SLIT2: variants seen among roughly 807,000 people sequenced by gnomAD.
SLIT2 encodes slit homolog 2 protein.
A neutral mutation model predicts 185.7 loss-of-function variants in SLIT2; 41 were observed. The ratio of observed to expected loss-of-function variants is 0.22; its 90% confidence interval spans 0.17 to 0.29. The LOEUF (loss-of-function observed/expected upper bound fraction) is 0.29, where lower values mean the gene tolerates loss of function less well. Ranked by LOEUF, SLIT2 falls within the 10% of genes least tolerant of loss-of-function variation. The pLI is 1.00. For missense variants in SLIT2, 1,571 were observed against 1,909.0 expected (o/e 0.82, Z 3.30); for synonymous variants, 693 against 680.2 (o/e 1.02, Z -0.29).
At chr4:20,329,297 C>G (rs1719869238) in intron 4 of SLIT2, among the ~76,000 whole-genome samples, 1 of 151,686 alleles carries the variant, frequency 6.6e-6, no homozygotes, top group African/African-American at 2.4e-5. Flanking sequence ...AACATTATAA[C>G]TTAATTATTA....
At position 20,378,376 on chromosome 4, in the gene SLIT2, G is replaced by A. The variant is rs537396424; in HGVS notation, c.396-89376G>A. ...GTGATTACAGTTTACATATTTCTTCGGATAGTGGTGCTTTACTAGTAAATG... is the reference window on the plus strand; with the variant it reads ...GTGATTACAGTTTACATATTTCTTCAGATAGTGGTGCTTTACTAGTAAATG... On this transcript the variant is annotated intron_variant, in intron 4 of 36. Coordinates refer to ENST00000504154, the MANE Select transcript of SLIT2 (RefSeq NM_004787.4). Among the ~76,000 whole-genome samples the A allele has an allele frequency of 5.8e-4, 88 of 152,084 alleles. No homozygotes were observed. In the South Asian group the frequency reaches 0.015, roughly 25 times the overall value.
Position 20,548,514 on chromosome 4 carries a change from C to G in SLIT2, c.2372C>G (p.Thr791Arg). 6.2e-7 allele frequency: 1 copy of G among 1,604,622 alleles called. No individual in the cohort carries two copies. The highest frequency in any genetic ancestry group is 8.5e-7 in the Non-Finnish European group (1 of 1,171,660). The change falls in exon 23 of 37, where the codon ACG becomes AGG. Residue 791 changes from threonine to arginine, a missense_variant. By Grantham distance (71) the Thr-to-Arg change is moderately conservative (BLOSUM62 -1). Around this residue, in one of 3 missense-constraint regions of SLIT2, gnomAD observed 1,202 missense variants for 1,416.4 expected, o/e 0.85. Coordinates refer to ENST00000504154, the MANE Select transcript of SLIT2 (RefSeq NM_004787.4). ...LIDLSNNRIS[T>R]LSNQSFSNMT... ...GACTTAAGTAACAACAGAATAAGCACGCTTTCTAATCAGAGCTTCAGCAAC... is the reference window on the plus strand; with the variant it reads ...GACTTAAGTAACAACAGAATAAGCAGGCTTTCTAATCAGAGCTTCAGCAAC...
Position 20,408,276 on chromosome 4 carries a change from A to G in SLIT2, c.396-59476A>G, listed in dbSNP as rs79979078. 6.0e-3 allele frequency among the ~76,000 whole-genome samples: 907 copies of G among 152,328 alleles called. 8 individuals are homozygous for G. Among genetic ancestry groups the G allele is most frequent in the East Asian group, 0.056 (292 of 5,180 alleles). On this transcript the variant is annotated intron_variant, in intron 4 of 36. Transcript: ENST00000504154. ...ATGATAGGAGAAAGAAGCTGAGATT[A>G]TAATACTGCGATAAAAACATTTATA... is the stretch of plus-strand genomic sequence containing the variant.
At chr4:20,467,426 T>C (rs1714480806) in intron 4 of SLIT2, among the ~76,000 whole-genome samples, 1 of 152,112 alleles carries the variant, frequency 6.6e-6, no homozygotes, top group African/African-American at 2.4e-5. Flanking sequence ...AACTGAATTA[T>C]GAACAATTTA....
intron 4 of SLIT2, among the ~76,000 whole-genome samples, chr4:20,291,474 ATATATATATATATATATATTTTTTTTT>A (rs1243830314): frequency 0.013 from 160 of 11,904 alleles, no homozygotes; most frequent in South Asian, 0.056. Flanking sequence ...ATATATATAT[ATATATATATATATATATATTTTTTTTT>A]TTTTTTTTTT....
chr4:20,395,952 TTAATA>T (rs1725853210), intron 4 of SLIT2, among the ~76,000 whole-genome samples: 3 of 152,022 alleles, frequency 2.0e-5, no homozygotes, highest in Admixed American at 2.0e-4. Context: ...CAAAGTAAAA[TTAATA>T]TAAGTAAAAT....
chr4:20,511,976 C>T (rs1026085824), intron 11 of SLIT2, among the ~76,000 whole-genome samples: 5 of 151,784 alleles, frequency 3.3e-5, no homozygotes, highest in Admixed American at 3.3e-4. Context: ...AGAGAACCTT[C>T]GAAAGATAGC....
At chr4:20,514,855 A>G (rs1408058165) in intron 11 of SLIT2, among the ~76,000 whole-genome samples, 2 of 151,754 alleles carry the variant, frequency 1.3e-5, no homozygotes, top group East Asian at 3.9e-4. Context: ...ATAATATGCA[A>G]TATATTAACA....
chr4:20,593,840 G>C (rs768826351), intron 30 of SLIT2, among the ~76,000 whole-genome samples: 4 of 151,850 alleles, frequency 2.6e-5, no homozygotes, highest in Non-Finnish European at 5.9e-5. Context: ...TACAAACACA[G>C]TTCTGTAAAA....
intron 4 of SLIT2, among the ~76,000 whole-genome samples, chr4:20,464,131 G>T (rs1377484004): frequency 6.6e-6 from 1 of 152,054 alleles, no homozygotes; most frequent in Non-Finnish European, 1.5e-5. Context: ...CTGTCCCAGA[G>T]TAAGGAAGCA....
intron 4 of SLIT2, among the ~76,000 whole-genome samples, chr4:20,294,652 T>C (rs533810774): frequency 3.3e-5 from 5 of 152,320 alleles, no homozygotes; most frequent in Admixed American, 1.3e-4. Flanking sequence ...AAGTTATATA[T>C]GGCCTTTTAA....
intron 30 of SLIT2, among the ~76,000 whole-genome samples, chr4:20,590,682 T>C (rs1172978081): frequency 1.3e-5 from 2 of 152,240 alleles, no homozygotes; most frequent in African/African-American, 2.4e-5. Context: ...TCCTGAAATA[T>C]GTTTGCTATG....
chr4:20,597,968 G>C lies in SLIT2; in HGVS notation c.3562-297G>C, dbSNP rs9992598. On this transcript the variant is annotated intron_variant, in intron 32 of 36. Transcript: ENST00000504154. Reference sequence around the variant, plus strand: ...AGATGCTATAAATAAAGCTTATAACGGGAGCAAAAGGAGCAGTTTAGCGAA... The same window carrying C: ...AGATGCTATAAATAAAGCTTATAACCGGAGCAAAAGGAGCAGTTTAGCGAA... Among the ~76,000 whole-genome samples, 3 of 152,034 alleles carry C rather than the reference G, an allele frequency of 2.0e-5. No individual in the cohort carries two copies. The South Asian group carries it at 6.2e-4, about 31-fold the overall frequency.
At position 20,290,914 on chromosome 4, in the gene SLIT2, T is replaced by A. The variant is rs536703931; in HGVS notation, c.395+22033T>A. 2.6e-5 allele frequency among the ~76,000 whole-genome samples: 4 copies of A among 152,246 alleles called. No homozygotes were observed. The East Asian group carries it at 7.7e-4, about 29-fold the overall frequency. On this transcript the variant is annotated intron_variant, in intron 4 of 36. Transcript: ENST00000504154. ...CTTCTGTGTCCCTAGCTTAAATTAT[T>A]ATGCCCATTTCCTTCTTTTAGGGCT... is the stretch of plus-strand genomic sequence containing the variant.
intron 29 of SLIT2, 57 bp downstream of exon 29, chr4:20,569,061 T>C (rs1333281812): frequency 7.1e-7 from 1 of 1,404,686 alleles, no homozygotes; most frequent in African/African-American, 1.4e-5. Context: ...GAAAGCATCA[T>C]TGGAACTATG....
chr4:20,357,216 A>G (rs1243435670), intron 4 of SLIT2, among the ~76,000 whole-genome samples: 2 of 152,248 alleles, frequency 1.3e-5, no homozygotes, highest in African/African-American at 4.8e-5. Flanking sequence ...AAAGTCAGAC[A>G]CCTTGATTTG....
At chr4:20,352,595 C>A (rs1721975217) in intron 4 of SLIT2, among the ~76,000 whole-genome samples, 1 of 152,276 alleles carries the variant, frequency 6.6e-6, no homozygotes, top group South Asian at 2.1e-4. Flanking sequence ...AACTTTATAG[C>A]AGACTTTGGA....
intron 1 of SLIT2, 121 bp from the exon 2 acceptor site, chr4:20,256,551 A>G (rs1421610613): frequency 5.4e-6 from 3 of 554,352 alleles, no homozygotes; most frequent in Non-Finnish European, 9.7e-6. Context: ...TCCTTCCTAC[A>G]TACTTTGTAT....
chr4:20,597,196 G>A (rs1269285959), intron 32 of SLIT2, among the ~76,000 whole-genome samples: 1 of 151,854 alleles, frequency 6.6e-6, no homozygotes, highest in African/African-American at 2.4e-5. Context: ...CTCCCGAGTA[G>A]CTGGGACGAC....
Sources: allele counts gnomAD v4.1 joint callset (sites outside exome capture counted in the v4.1 genomes callset), GRCh38; gene constraint gnomAD v4.1.1; regional missense constraint gnomAD v4.1.1; transcripts MANE v1.5; gene names NCBI Gene and HGNC (gene_info 2026-07-23, HGNC 2026-07-21).